Variants in MAGI2 observed in about 807,000 individuals in gnomAD.
MAGI2 encodes the protein membrane-associated guanylate kinase, WW and PDZ domain-containing protein 2.
MAGI2 carries 35 observed loss-of-function variants against 133.3 expected under a neutral mutation model. The observed-to-expected ratio is 0.26, with a 90% confidence interval of 0.20 to 0.35. MAGI2 has a LOEUF of 0.35. Among genes scored for constraint, MAGI2 ranks in the 10% least tolerant of loss-of-function variants. The pLI is 1.00. For missense variants in MAGI2, 1,636 were observed against 1,863.4 expected (o/e 0.88, Z 2.25); for synonymous variants, 729 against 710.6 (o/e 1.03, Z -0.41).
chr7:79,160,815 G>A (rs1015926523), intron 1 of MAGI2, among the ~76,000 whole-genome samples: 1 of 152,002 alleles, frequency 6.6e-6, no homozygotes, highest in Non-Finnish European at 1.5e-5. Flanking sequence ...ATGATAACTG[G>A]TATATCCTCC....
intron 10 of MAGI2, among the ~76,000 whole-genome samples, chr7:78,250,383 T>G (rs550255274): frequency 6.6e-6 from 1 of 152,192 alleles, no homozygotes; most frequent in South Asian, 2.1e-4. Context: ...TTTATGGAAT[T>G]TAGCTAAAGA....
chr7:79,022,937 G>A (rs1247208381), intron 1 of MAGI2, among the ~76,000 whole-genome samples: 2 of 151,898 alleles, frequency 1.3e-5, no homozygotes, highest in Admixed American at 1.3e-4. Flanking sequence ...GGAAGAGCTG[G>A]TACTATTCTA....
intron 3 of MAGI2, among the ~76,000 whole-genome samples, chr7:78,567,460 C>T (rs1379120492): frequency 6.6e-6 from 1 of 152,086 alleles, no homozygotes. Context: ...TTTTCTCTCA[C>T]ACAGACAGAA....
At chr7:78,173,497 G>T (rs949770481) in intron 14 of MAGI2, among the ~76,000 whole-genome samples, 2 of 152,028 alleles carry the variant, frequency 1.3e-5, no homozygotes, top group African/African-American at 4.8e-5. Context: ...TGAGCCAAGG[G>T]GTCCAATAAA....
chr7:79,061,877 C>T (rs558245069), intron 1 of MAGI2, among the ~76,000 whole-genome samples: 2 of 152,082 alleles, frequency 1.3e-5, no homozygotes, highest in African/African-American at 2.4e-5. Flanking sequence ...CAAATACCTG[C>T]TCCACCTTAT....
intron 8 of MAGI2, 115 bp downstream of exon 8, chr7:78,345,807 T>G (rs1368233952): frequency 2.1e-6 from 3 of 1,432,686 alleles, no homozygotes; most frequent in East Asian, 4.6e-5. Flanking sequence ...TAGGAAGGTC[T>G]GGAGAAAGCA....
chr7:78,540,810 G>T (rs1338966713), intron 3 of MAGI2, among the ~76,000 whole-genome samples: 5 of 151,994 alleles, frequency 3.3e-5, no homozygotes, highest in Non-Finnish European at 7.4e-5. Flanking sequence ...TTTTATATTT[G>T]GCTTTCTAAA....
chr7:78,936,521 C>T (rs2151669161), intron 2 of MAGI2, among the ~76,000 whole-genome samples: 1 of 151,976 alleles, frequency 6.6e-6, no homozygotes, highest in African/African-American at 2.4e-5. Context: ...ACATTTTCAA[C>T]TAATATATTT....
intron 2 of MAGI2, among the ~76,000 whole-genome samples, chr7:78,892,006 A>T (rs1202359287): frequency 6.6e-6 from 1 of 152,212 alleles, no homozygotes; most frequent in Non-Finnish European, 1.5e-5. Context: ...AAATCTCCTT[A>T]AGCTGATAGG....
chr7:78,875,358 A>G lies in MAGI2; in HGVS notation c.418+131732T>C, dbSNP rs569140175. ...GTGGAAAAGCAACTAAAATTTATGAATCAATAGAAGCAAGAGAACCACAGA... is the reference window on the plus strand; with the variant it reads ...GTGGAAAAGCAACTAAAATTTATGAGTCAATAGAAGCAAGAGAACCACAGA... On this transcript the variant is annotated intron_variant, in intron 2 of 21. Coordinates refer to ENST00000354212, the MANE Select transcript of MAGI2 (RefSeq NM_012301.4). Among the ~76,000 whole-genome samples, 16 of 152,290 alleles carry G rather than the reference A, an allele frequency of 1.1e-4. No individual in the cohort carries two copies. In the East Asian group the frequency reaches 3.1e-3, roughly 29 times the overall value.
At chr7:78,573,335 TA>T in intron 3 of MAGI2, among the ~76,000 whole-genome samples, 2 of 68,982 alleles carry the variant, frequency 2.9e-5, no homozygotes, top group African/African-American at 1.5e-4. Flanking sequence ...TATATATAAA[TA>T]TATATATATA....
At chr7:79,318,346 T>A (rs1288236702) in intron 1 of MAGI2, among the ~76,000 whole-genome samples, 1 of 152,174 alleles carries the variant, frequency 6.6e-6, no homozygotes, top group East Asian at 1.9e-4. Context: ...AAGTGGGTTA[T>A]AATTTATTTG....
rs1990031 is a variant in MAGI2 at position 78,126,028 on chromosome 7, G to C, written c.3424-191C>G. Among the ~76,000 whole-genome samples, 130,414 of 152,216 alleles carry C rather than the reference G, an allele frequency of 0.86. 56,267 individuals are homozygous for C. Among genetic ancestry groups the C allele is most frequent in the African/African-American group, 0.91 (37,726 of 41,540 alleles). On this transcript the variant is annotated intron_variant, in intron 19 of 21. Coordinates refer to ENST00000354212, the MANE Select transcript of MAGI2 (RefSeq NM_012301.4). ...AAATTCCAAAGGTTTGAGCAGGCCA[G>C]AGCACAGTTTACTTGGTCATCAAAG...
chr7:78,447,256 A>G (rs1026768491), intron 6 of MAGI2, among the ~76,000 whole-genome samples: 1 of 151,992 alleles, frequency 6.6e-6, no homozygotes, highest in Non-Finnish European at 1.5e-5. Flanking sequence ...GTTTTGATAT[A>G]TGTATACATT....
intron 2 of MAGI2, chr7:79,006,680 T>C (rs1471247641): frequency 1.3e-5 from 2 of 154,458 alleles, no homozygotes; most frequent in Non-Finnish European, 2.9e-5. Flanking sequence ...AAACAAGAGA[T>C]GAGGTTGGGA....
chr7:78,952,546 G>C (rs1801957607), intron 2 of MAGI2, among the ~76,000 whole-genome samples: 1 of 152,052 alleles, frequency 6.6e-6, no homozygotes, highest in Non-Finnish European at 1.5e-5. Context: ...TAAAACAAAT[G>C]TTCCTATTTT....
At chr7:78,511,928 T>C (rs1021665711) in intron 4 of MAGI2, among the ~76,000 whole-genome samples, 6 of 142,080 alleles carry the variant, frequency 4.2e-5, no homozygotes, top group Non-Finnish European at 7.7e-5. Flanking sequence ...ACCTCGTCTC[T>C]ACTAAAAAAA....
chr7:78,110,975 C>A (rs1013416628), intron 20 of MAGI2, among the ~76,000 whole-genome samples: 1 of 152,154 alleles, frequency 6.6e-6, no homozygotes, highest in East Asian at 1.9e-4. Flanking sequence ...GATCAAGGTG[C>A]ATTTCATATC....
intron 2 of MAGI2, among the ~76,000 whole-genome samples, chr7:78,896,992 C>A (rs1174314173): frequency 6.6e-6 from 1 of 152,048 alleles, no homozygotes; most frequent in Admixed American, 6.6e-5. Flanking sequence ...AGAAGAAACC[C>A]AGAATACTTG....
Sources: gnomAD v4.1 joint callset for allele counts (sites outside exome capture counted in the v4.1 genomes callset) on GRCh38, gnomAD v4.1.1 for gene constraint, MANE v1.5 for transcripts, NCBI Gene and HGNC (gene_info 2026-07-23, HGNC 2026-07-21) for gene names.